The following EFNA5 variants were observed in gnomAD, a reference collection of about 807,000 sequenced individuals.
The protein encoded by EFNA5 is ephrin-A5.
EFNA5 carries 5 observed loss-of-function variants against 22.9 expected under a neutral mutation model. The ratio of observed to expected loss-of-function variants is 0.22; its 90% CI spans 0.11 to 0.46. The LOEUF (loss-of-function observed/expected upper bound fraction) is 0.46, where lower values mean the gene tolerates loss of function less well. EFNA5 is among the 20% of genes least tolerant of loss of function. The pLI is 0.99. For synonymous variants in EFNA5, 113 were observed against 112.2 expected, an observed-to-expected ratio of 1.01 and a Z score of -0.04; for missense variants, 237 against 293.3, an observed-to-expected ratio of 0.81 and a Z score of 1.40.
At chr5:107,670,425 G>A in intron 1 of EFNA5, 64 bp downstream of exon 1, 3 of 1,497,998 alleles carry the variant, frequency 2.0e-6, no homozygotes, top group Non-Finnish European at 2.7e-6. Context: ...GATCCCCGCC[G>A]CCGCTCCTTC....
chr5:107,585,486 G>A lies in EFNA5; in HGVS notation c.125+85003C>T, dbSNP rs138135229. Among the ~76,000 whole-genome samples the A allele has an allele frequency of 2.7e-4, 41 of 152,224 alleles. No homozygotes were observed. The South Asian group carries it at 3.3e-3, about 12-fold the overall frequency. ...GGAATGATAGCTCAGTGACAGTACT[G>A]ATAAATTCTAAACAATATTAGGCCA... On this transcript the variant is annotated intron_variant, in intron 1 of 4. Coordinates refer to ENST00000333274, the MANE Select transcript of EFNA5 (RefSeq NM_001962.3).
intron 1 of EFNA5, among the ~76,000 whole-genome samples, chr5:107,609,671 C>T (rs1489625079): frequency 1.3e-5 from 2 of 152,160 alleles, no homozygotes; most frequent in African/African-American, 4.8e-5. Flanking sequence ...GCAGGGAAAA[C>T]GGATCTCTGC....
intron 2 of EFNA5, among the ~76,000 whole-genome samples, chr5:107,389,610 G>A (rs537148989): frequency 2.8e-4 from 43 of 152,176 alleles, no homozygotes; most frequent in Non-Finnish European, 5.7e-4. Flanking sequence ...GGTTTAGCGA[G>A]GAGCTTCTTG....
intron 1 of EFNA5, among the ~76,000 whole-genome samples, chr5:107,460,838 A>C (rs1457068893): frequency 6.6e-6 from 1 of 152,186 alleles, no homozygotes; most frequent in African/African-American, 2.4e-5. Flanking sequence ...GAATATGCCT[A>C]TGTCATTAAA....
Position 107,379,609 on chromosome 5 carries a change from T to C in EFNA5, c.*1646A>G, listed in dbSNP as rs553521198. ...AATTGGTCTAACACTTTTCCTTGTCTAGGCTTTGGATTTTAAAGTTCATGA... is the reference window on the plus strand; with the variant it reads ...AATTGGTCTAACACTTTTCCTTGTCCAGGCTTTGGATTTTAAAGTTCATGA... On this transcript the variant is annotated 3_prime_UTR_variant, in exon 5 of 5. Transcript: ENST00000333274. The C allele has an allele frequency of 2.0e-5, 3 of 150,210 alleles. No individual in the cohort carries two copies. In the South Asian group the frequency reaches 6.3e-4, roughly 32 times the overall value. 9.3% of individuals were successfully genotyped at this position (150,210 alleles called of 1,614,324 possible). A position where few individuals can be genotyped will look rare whatever the true frequency, so the allele number is the denominator to read the frequency against.
chr5:107,405,398 T>A (rs1192719352), intron 2 of EFNA5, among the ~76,000 whole-genome samples: 1 of 152,232 alleles, frequency 6.6e-6, no homozygotes, highest in Admixed American at 6.5e-5. Context: ...TCCAGGGCCT[T>A]TCTGGATGTC....
intron 1 of EFNA5, among the ~76,000 whole-genome samples, chr5:107,461,486 A>AG (rs1554060587): frequency 4.6e-5 from 7 of 151,972 alleles, no homozygotes; most frequent in South Asian, 4.1e-4. Flanking sequence ...TTAAATATAG[A>AG]GGGGGGAAAA....
chr5:107,587,162 A>G (rs184109925), intron 1 of EFNA5, among the ~76,000 whole-genome samples: 14 of 152,346 alleles, frequency 9.2e-5, no homozygotes, highest in African/African-American at 2.9e-4. Context: ...AACCCACTTA[A>G]ATGATTAACA....
chr5:107,620,138 A>G (rs1682942074), intron 1 of EFNA5, among the ~76,000 whole-genome samples: 1 of 152,236 alleles, frequency 6.6e-6, no homozygotes, highest in African/African-American at 2.4e-5. Context: ...TCTGATTTTC[A>G]TTTATAAATG....
chr5:107,511,731 C>T (rs906029079), intron 1 of EFNA5, among the ~76,000 whole-genome samples: 4 of 151,910 alleles, frequency 2.6e-5, no homozygotes, highest in Admixed American at 6.6e-5. Flanking sequence ...ATCACCACTG[C>T]CTATTTAACA....
intron 1 of EFNA5, among the ~76,000 whole-genome samples, chr5:107,569,834 CA>C (rs67306022): frequency 0.06 from 5,184 of 86,502 alleles, 294 homozygotes; most frequent in African/African-American, 0.17. Context: ...CCTGGGAGAC[CA>C]AAAAAAAAAA....
At chr5:107,576,071 C>T (rs73198683) in intron 1 of EFNA5, among the ~76,000 whole-genome samples, 2,790 of 152,300 alleles carry the variant, frequency 0.018, 91 homozygotes, top group African/African-American at 0.064. Flanking sequence ...TTAATGATAA[C>T]TGTCCAGAAC....
Position 107,596,955 on chromosome 5 carries a change from G to T in EFNA5, c.125+73534C>A, listed in dbSNP as rs944450085. Among the ~76,000 whole-genome samples the T allele has an allele frequency of 3.3e-5, 5 of 152,146 alleles. No homozygotes were observed. The East Asian group carries it at 5.8e-4, about 18-fold the overall frequency. On this transcript the variant is annotated intron_variant, in intron 1 of 4. Coordinates refer to ENST00000333274, the MANE Select transcript of EFNA5 (RefSeq NM_001962.3). ...GGTGGATCAGGACCCCAGGACCCAA[G>T]ATCCAACATTTAGCTCTGGTACCTA...
intron 1 of EFNA5, among the ~76,000 whole-genome samples, chr5:107,457,479 A>G (rs924674934): frequency 1.3e-5 from 2 of 152,158 alleles, no homozygotes; most frequent in African/African-American, 2.4e-5. Flanking sequence ...ATTTCTTATG[A>G]TACCTAATAC....
At chr5:107,390,913 C>G (rs1160025496) in intron 2 of EFNA5, among the ~76,000 whole-genome samples, 1 of 152,122 alleles carries the variant, frequency 6.6e-6, no homozygotes, top group East Asian at 1.9e-4. Flanking sequence ...AATCCCAACA[C>G]TGTGGGAGGC....
At chr5:107,542,080 C>G (rs996146323) in intron 1 of EFNA5, among the ~76,000 whole-genome samples, 1 of 152,110 alleles carries the variant, frequency 6.6e-6, no homozygotes, top group African/African-American at 2.4e-5. Flanking sequence ...TTGTTAAGAT[C>G]TGATTATATT....
chr5:107,431,019 C>CCAGCTCGGCCTCCCGAAGTGCTG (rs1465525283), intron 1 of EFNA5, among the ~76,000 whole-genome samples: 1 of 152,100 alleles, frequency 6.6e-6, no homozygotes, highest in Non-Finnish European at 1.5e-5. Flanking sequence ...CGTGATCTGC[C>CCAGCTCGGCCTCCCGAAGTGCTG]CAGCTCGGCC....
At chr5:107,418,857 G>C (rs1191601756) in intron 2 of EFNA5, among the ~76,000 whole-genome samples, 1 of 152,096 alleles carries the variant, frequency 6.6e-6, no homozygotes, top group Non-Finnish European at 1.5e-5. Context: ...CACAGACCTG[G>C]CATTAATTTC....
At chr5:107,465,029 C>CGCCTGGATA (rs1749935161) in intron 1 of EFNA5, among the ~76,000 whole-genome samples, 1 of 151,166 alleles carries the variant, frequency 6.6e-6, no homozygotes, top group Non-Finnish European at 1.5e-5. Context: ...TAAGGGTTTA[C>CGCCTGGATA]ACCTGTGACC....
Sources: allele counts gnomAD v4.1 joint callset (sites outside exome capture counted in the v4.1 genomes callset), GRCh38; gene constraint gnomAD v4.1.1; transcripts MANE v1.5; gene names NCBI Gene and HGNC (gene_info 2026-07-23, HGNC 2026-07-21).